Variants in LRP1B observed in about 807,000 individuals in gnomAD.
The protein encoded by LRP1B is low-density lipoprotein receptor-related protein 1B.
A neutral mutation model predicts 556.6 loss-of-function variants in LRP1B; 217 were observed. The ratio of observed to expected loss-of-function variants is 0.39; its 90% CI spans 0.35 to 0.44. The LOEUF (loss-of-function observed/expected upper bound fraction) is 0.44. Ranked by LOEUF, LRP1B falls within the 20% of genes least tolerant of loss-of-function variation. LRP1B has a pLI of 1.00. For missense variants in LRP1B, 5,053 were observed against 5,620.8 expected (o/e 0.90, Z 3.23); for synonymous variants, 2,047 against 1,865.8 (o/e 1.10, Z -2.50).
chr2:140,769,041 C>T (rs74466236), intron 35 of LRP1B, among the ~76,000 whole-genome samples, 172 bp downstream of exon 35: 1 of 139,346 alleles, frequency 7.2e-6, no homozygotes, highest in Non-Finnish European at 1.6e-5. Context: ...ATTTTTTTTT[C>T]AGACACTACA....
chr2:142,079,801 C>A (rs114583053), intron 1 of LRP1B, among the ~76,000 whole-genome samples: 1 of 151,950 alleles, frequency 6.6e-6, no homozygotes, highest in East Asian at 1.9e-4. Flanking sequence ...TGAGCCACTG[C>A]GCCCAGCCTC....
At chr2:140,560,929 AC>A (rs896385275) in intron 43 of LRP1B, among the ~76,000 whole-genome samples, 5 of 152,314 alleles carry the variant, frequency 3.3e-5, no homozygotes, top group Admixed American at 6.5e-5. Context: ...GATTGTGTAC[AC>A]ACAAAAAGAA....
At chr2:140,954,563 G>A (rs1029063994) in intron 18 of LRP1B, among the ~76,000 whole-genome samples, 11 of 151,858 alleles carry the variant, frequency 7.2e-5, no homozygotes, top group Admixed American at 4.6e-4. Context: ...AATTTTCCAT[G>A]TAAATTTTAA....
intron 1 of LRP1B, among the ~76,000 whole-genome samples, chr2:142,018,356 A>G (rs775004035): frequency 6.6e-6 from 1 of 152,320 alleles, no homozygotes. Context: ...ATATATAAAC[A>G]CCTCAACTCT....
At chr2:140,939,494 T>C (rs1377744318) in intron 20 of LRP1B, among the ~76,000 whole-genome samples, 7 of 148,052 alleles carry the variant, frequency 4.7e-5, no homozygotes. Flanking sequence ...TTATAATAAA[T>C]TTATAATATA....
At chr2:141,682,911 T>C (rs6736591) in intron 2 of LRP1B, among the ~76,000 whole-genome samples, 21,125 of 152,136 alleles carry the variant, frequency 0.14, 2,119 homozygotes, top group African/African-American at 0.27. Context: ...ATTTTGCAAA[T>C]AGATTCAGTG....
intron 78 of LRP1B, 134 bp downstream of exon 78, chr2:140,335,481 T>C: frequency 1.6e-6 from 1 of 642,194 alleles, no homozygotes; most frequent in East Asian, 2.7e-5. Flanking sequence ...ACAGAAGAAA[T>C]AGTACAAGGA....
chr2:140,904,016 TTAAA>T (rs1279988062), intron 22 of LRP1B, among the ~76,000 whole-genome samples: 1 of 152,088 alleles, frequency 6.6e-6, no homozygotes, highest in Non-Finnish European at 1.5e-5. Flanking sequence ...CAGCTGTCCT[TTAAA>T]TATATTTATT....
intron 45 of LRP1B, among the ~76,000 whole-genome samples, chr2:140,539,634 T>C (rs918506736): frequency 3.9e-5 from 6 of 152,116 alleles, no homozygotes; most frequent in East Asian, 1.9e-4. Flanking sequence ...GCTTCACTAC[T>C]AGCCTGAAGT....
chr2:141,750,892 T>C (rs1694085416), intron 2 of LRP1B, among the ~76,000 whole-genome samples: 1 of 151,890 alleles, frequency 6.6e-6, no homozygotes, highest in South Asian at 2.1e-4. Flanking sequence ...CTGAAAAGAG[T>C]AGGCAGCATT....
chr2:142,128,362 T>C (rs1269187544), intron 1 of LRP1B, among the ~76,000 whole-genome samples: 4 of 152,240 alleles, frequency 2.6e-5, no homozygotes, highest in Admixed American at 1.3e-4. Context: ...AAAACGCATC[T>C]GTATAATTCA....
chr2:141,910,601 C>A (rs530606227), intron 1 of LRP1B, among the ~76,000 whole-genome samples: 67 of 151,966 alleles, frequency 4.4e-4, no homozygotes, highest in African/African-American at 1.3e-3. Context: ...ACTGGAATTG[C>A]CATGTAAATG....
Position 140,464,680 on chromosome 2 carries a change from C to T in LRP1B, c.9626-7029G>A, listed in dbSNP as rs137979872. On this transcript the variant is annotated intron_variant, in intron 60 of 90. Transcript: ENST00000389484. ...CTTCGAAACTTTCTGGGCCATTGTG[C>T]TAGTGATAAATCCTTCACAGTACAC... Among the ~76,000 whole-genome samples, 21 of 152,274 alleles carry T rather than the reference C, an allele frequency of 1.4e-4. No homozygotes were observed. The East Asian group carries it at 4.1e-3, about 29-fold the overall frequency.
At chr2:140,269,326 G>A (rs1198367637) in intron 86 of LRP1B, 1 of 471,014 alleles carries the variant, frequency 2.1e-6, no homozygotes. Flanking sequence ...TGACAGTAGT[G>A]ATCACAAGGG....
chr2:140,976,503 C>CTTTT (rs1216208854), intron 18 of LRP1B, among the ~76,000 whole-genome samples: 15 of 105,356 alleles, frequency 1.4e-4, no homozygotes, highest in Admixed American at 2.1e-4. Flanking sequence ...TTTTTTTTTC[C>CTTTT]TTTTTTTTTT....
intron 3 of LRP1B, among the ~76,000 whole-genome samples, chr2:141,463,600 A>G (rs1682024455): frequency 2.8e-5 from 3 of 108,810 alleles, no homozygotes; most frequent in Non-Finnish European, 5.2e-5. Context: ...AATATATATT[A>G]TATATTATAT....
At chr2:141,199,002 GCTCT>G (rs1448545157) in intron 6 of LRP1B, among the ~76,000 whole-genome samples, 2 of 152,016 alleles carry the variant, frequency 1.3e-5, no homozygotes, top group African/African-American at 2.4e-5. Flanking sequence ...TTCTATAACT[GCTCT>G]CTCTGCTTCC....
In LRP1B at chr2:141,544,343, C is replaced by CTTCTT. The variant is rs1559131256; in HGVS notation, c.206-63815_206-63811dup. On this transcript the variant is annotated intron_variant, in intron 2 of 90. Coordinates refer to ENST00000389484, the MANE Select transcript of LRP1B (RefSeq NM_018557.3). ...TCTTCTTCTTCTTCTTCTTCTTCTT[C>CTTCTT]TTCTTCTTCTTCTTCTTCTTCTTCT... is the stretch of plus-strand genomic sequence containing the variant. 1.2e-3 allele frequency among the ~76,000 whole-genome samples: 103 copies of CTTCTT among 83,480 alleles called. 2 individuals carry two copies. The highest frequency in any genetic ancestry group is 1.9e-3 in the South Asian group (3 of 1,544). The allele number at this position is 83,480 out of a possible 152,430, so 54.8% of individuals were successfully genotyped here.
In LRP1B at chr2:141,005,455, C is replaced by T. The variant is rs756605370; in HGVS notation, c.2383G>A (p.Asp795Asn). ...CCATTATTTACTCGGCACATATTGT[C>T]ACCTGCAAGAGGAAGAAAGCAAATG... ...QIYDPRKQQG[D>N]NMCRVNNGGC... is the part of the protein sequence containing the mutation. Residue 795 changes from aspartate (D) to asparagine (N), a missense_variant and splice_region_variant, in exon 15 of 91, where the codon GAC (aspartate) becomes AAC (asparagine). Transcript: ENST00000389484. 1.1e-5 allele frequency: 18 copies of T among 1,609,238 alleles called. No homozygotes were observed. The Admixed American group carries it at 3.0e-4, about 27-fold the overall frequency.
Sources: gnomAD v4.1 joint callset for allele counts (sites outside exome capture counted in the v4.1 genomes callset) on GRCh38, gnomAD v4.1.1 for gene constraint, MANE v1.5 for transcripts, NCBI Gene and HGNC (gene_info 2026-07-23, HGNC 2026-07-21) for gene names.